Variants in SWAP70 observed in about 807,000 individuals in gnomAD.
SWAP70 encodes switch-associated protein 70.
SWAP70 carries 34 observed loss-of-function variants against 80.2 expected under a neutral mutation model. That is an observed-to-expected ratio of 0.42 (90% CI 0.32 to 0.56). The LOEUF is 0.56. Among genes scored for constraint, SWAP70 ranks in the 20% least tolerant of loss-of-function variants. SWAP70 has a pLI of 0.09. For synonymous variants in SWAP70, 239 were observed against 238.5 expected, an observed-to-expected ratio of 1.00 and a Z score of -0.02; for missense variants, 578 against 690.7, an observed-to-expected ratio of 0.84 and a Z score of 1.83.
At chr11:9,715,131 C>T (rs1340786268) in intron 3 of SWAP70, among the ~76,000 whole-genome samples, 1 of 151,890 alleles carries the variant, frequency 6.6e-6, no homozygotes, top group East Asian at 1.9e-4. Context: ...TACATCACCA[C>T]ACTCAGCTAA....
chr11:9,681,884 A>G (rs1479270925), intron 1 of SWAP70, among the ~76,000 whole-genome samples: 2 of 152,228 alleles, frequency 1.3e-5, no homozygotes, highest in Non-Finnish European at 2.9e-5. Flanking sequence ...AAAGATTCAG[A>G]AAGTAAAACC....
At chr11:9,738,797 G>A (rs140953873) in intron 8 of SWAP70, among the ~76,000 whole-genome samples, 1 of 151,796 alleles carries the variant, frequency 6.6e-6, no homozygotes, top group South Asian at 2.1e-4. Context: ...GGAGTTCAAG[G>A]CTACTGTGAG....
intron 8 of SWAP70, 50 bp downstream of exon 8, chr11:9,738,370 C>T (rs780305656): frequency 6.9e-6 from 10 of 1,446,300 alleles, no homozygotes; most frequent in African/African-American, 1.4e-5. Context: ...CAGCCTGGGT[C>T]GGTGGGAACA....
At chr11:9,745,586 G>T (rs1851501758) in intron 9 of SWAP70, among the ~76,000 whole-genome samples, 1 of 152,218 alleles carries the variant, frequency 6.6e-6, no homozygotes, top group Admixed American at 6.5e-5. Flanking sequence ...CAGCCTTAAT[G>T]AATGTGAAGT....
chr11:9,666,575 A>G (rs1249078438), intron 1 of SWAP70, among the ~76,000 whole-genome samples: 2 of 152,118 alleles, frequency 1.3e-5, no homozygotes, highest in Admixed American at 1.3e-4. Flanking sequence ...TTTATGTTGT[A>G]ATTGTCATAT....
At chr11:9,669,127 G>A (rs1850343577) in intron 1 of SWAP70, among the ~76,000 whole-genome samples, 1 of 152,208 alleles carries the variant, frequency 6.6e-6, no homozygotes. Context: ...AAAGGAAGAA[G>A]CGATTTCTTC....
chr11:9,677,108 A>G (rs952791439), intron 1 of SWAP70, among the ~76,000 whole-genome samples: 2 of 151,732 alleles, frequency 1.3e-5, no homozygotes, highest in Non-Finnish European at 2.9e-5. Flanking sequence ...ATAATAATAA[A>G]CCTTATTAAT....
Position 9,713,529 on chromosome 11 carries a change from A to G in SWAP70, c.304A>G (p.Asn102Asp), listed in dbSNP as rs1306729276. Reference protein sequence around the residue: ...RMCWTLCVKKNLTKNPLLITE... With the variant: ...RMCWTLCVKKDLTKNPLLITE... The stretch of plus-strand genomic sequence containing the variant: ...GTGTTGGACCCTCTGTGTCAAAAAA[A>G]ACCTCACAAAGAATCCCCTGCTCAT... Residue 102 changes from asparagine (N) to aspartate (D), a missense_variant, in exon 3 of 12, where the codon AAC becomes GAC. Transcript: ENST00000318950. 1 of 1,613,962 alleles carries G rather than the reference A, an allele frequency of 6.2e-7. No individual in the cohort carries two copies. Among genetic ancestry groups the G allele is most frequent in the Non-Finnish European group, 8.5e-7 (1 of 1,179,982 alleles).
At chr11:9,721,114 C>T (rs374770677) in intron 3 of SWAP70, among the ~76,000 whole-genome samples, 1 of 152,222 alleles carries the variant, frequency 6.6e-6, no homozygotes, top group East Asian at 1.9e-4. Flanking sequence ...CCACGCCTGG[C>T]GTTCAATCTC....
chr11:9,721,626 C>T (rs1851139192), intron 3 of SWAP70, among the ~76,000 whole-genome samples: 1 of 151,988 alleles, frequency 6.6e-6, no homozygotes, highest in South Asian at 2.1e-4. Context: ...CATGTACCAC[C>T]ACACCTGGCT....
In SWAP70 at chr11:9,732,693, C is replaced by T. The variant is rs750168553; in HGVS notation, c.1063C>T (p.Leu355=). The T allele has an allele frequency of 1.9e-6, 3 of 1,551,726 alleles. No homozygotes were observed. The South Asian group carries it at 3.6e-5, about 18-fold the overall frequency. ...QAANESKQQE[L]EAVRKKLEEA... Reference sequence around the variant, plus strand: ...CGCCAACGAAAGCAAGCAGCAGGAGCTGGAGGCCGTGCGGAAGGTGGGAAT... The same window carrying T: ...CGCCAACGAAAGCAAGCAGCAGGAGTTGGAGGCCGTGCGGAAGGTGGGAAT... Residue 355 remains leucine, a synonymous_variant, in exon 7 of 12, where the codon CTG becomes TTG. Coordinates refer to ENST00000318950, the MANE Select transcript of SWAP70 (RefSeq NM_015055.4).
Position 9,730,261 on chromosome 11 carries a change from C to A in SWAP70, c.898+810C>A, listed in dbSNP as rs539413732. Among the ~76,000 whole-genome samples the A allele has an allele frequency of 7.5e-5, 11 of 147,462 alleles. No homozygotes were observed. In the East Asian group the frequency reaches 2.2e-3, roughly 30 times the overall value. On this transcript the variant is annotated intron_variant, in intron 6 of 11. Transcript: ENST00000318950. ...ATCCCAGCACTTTGGGAGGCAGAGG[C>A]GGGTGGATCATGAAGTTGGGAGATC...
chr11:9,725,940 A>G (rs1420252258), intron 4 of SWAP70, among the ~76,000 whole-genome samples: 1 of 151,138 alleles, frequency 6.6e-6, no homozygotes, highest in East Asian at 1.9e-4. Context: ...CATAACGTTG[A>G]GTGAAAAAAA....
chr11:9,737,362 G>C (rs991725319), intron 7 of SWAP70, among the ~76,000 whole-genome samples: 2 of 152,188 alleles, frequency 1.3e-5, no homozygotes, highest in African/African-American at 4.8e-5. Flanking sequence ...TTCTTACTGA[G>C]AGTTAGATTT....
At position 9,719,097 on chromosome 11, in the gene SWAP70, A is replaced by C. The variant is rs1055181298; in HGVS notation, c.414+5458A>C. Among the ~76,000 whole-genome samples the C allele has an allele frequency of 7.3e-5, 11 of 150,810 alleles. 1 individual carries two copies. Among genetic ancestry groups the C allele is most frequent in the Admixed American group, 5.3e-4 (8 of 15,108 alleles). On this transcript the variant is annotated intron_variant, in intron 3 of 11. Transcript: ENST00000318950. ...GGACAGAGCGAGACACTGAATCAAA[A>C]AAAAAAAAAAAAAGATATAATTGTC...
chr11:9,721,013 GCCATGT>G (rs1162343897), intron 3 of SWAP70, among the ~76,000 whole-genome samples: 2 of 151,978 alleles, frequency 1.3e-5, no homozygotes, highest in East Asian at 3.9e-4. Flanking sequence ...ATGGAGTTTT[GCCATGT>G]TGGCCAGGCT....
chr11:9,742,643 A>G (rs1851456068), intron 9 of SWAP70, among the ~76,000 whole-genome samples: 1 of 152,076 alleles, frequency 6.6e-6, no homozygotes, highest in East Asian at 1.9e-4. Flanking sequence ...CCTAGTGGTC[A>G]TTTTTAAGTG....
chr11:9,680,263 A>C (rs1590014140), intron 1 of SWAP70, among the ~76,000 whole-genome samples: 1 of 152,038 alleles, frequency 6.6e-6, no homozygotes, highest in East Asian at 1.9e-4. Context: ...GAAGATGACC[A>C]CTCTAAGCCG....
chr11:9,704,321 C>T (rs1422189789), intron 2 of SWAP70, among the ~76,000 whole-genome samples: 2 of 151,584 alleles, frequency 1.3e-5, no homozygotes, highest in South Asian at 2.1e-4. Context: ...CTTGGGACCA[C>T]GAGCCATGGC....
Sources: allele counts gnomAD v4.1 joint callset (sites outside exome capture counted in the v4.1 genomes callset), GRCh38; gene constraint gnomAD v4.1.1; transcripts MANE v1.5; gene names NCBI Gene and HGNC (gene_info 2026-07-23, HGNC 2026-07-21).